SYT16: variants seen among roughly 807,000 people sequenced by gnomAD.
SYT16 encodes synaptotagmin-16.
A neutral mutation model predicts 61.4 loss-of-function variants in SYT16; 42 were observed. That is an observed-to-expected ratio of 0.68 (90% CI 0.53 to 0.89). SYT16 has a LOEUF of 0.89. Among genes scored for constraint, SYT16 ranks in the 40% least tolerant of loss-of-function variants. The probability of loss-of-function intolerance (pLI) is 0.00; values close to 1 mark genes in which losing one functional copy is unlikely to be tolerated. For synonymous variants in SYT16, 314 were observed against 302.3 expected (o/e 1.04, Z -0.40); for missense variants, 804 against 807.3 (o/e 1.00, Z 0.05).
chr14:62,010,686 T>C (rs760190996), intron 3 of SYT16, among the ~76,000 whole-genome samples: 4 of 152,164 alleles, frequency 2.6e-5, no homozygotes, highest in Non-Finnish European at 5.9e-5. Context: ...ATGGAAGGAC[T>C]TTGAGAACTT....
At chr14:62,091,447 C>T (rs1476061399) in intron 7 of SYT16, among the ~76,000 whole-genome samples, 1 of 152,018 alleles carries the variant, frequency 6.6e-6, no homozygotes. Context: ...GCATGGATTG[C>T]CTAAAGCAAA....
Position 62,029,114 on chromosome 14 carries a change from G to T in SYT16, c.523+32572G>T, listed in dbSNP as rs182928820. Among the ~76,000 whole-genome samples, 369 of 152,284 alleles carry T rather than the reference G, an allele frequency of 2.4e-3. 3 individuals are homozygous for T. Among genetic ancestry groups the T allele is most frequent in the Middle Eastern group, 0.017 (5 of 294 alleles). ...GGGCCAGCCTGAGCATCACAGTTAA[G>T]AATGAAATGGTTCTTTTTTCTCCCC... On this transcript the variant is annotated intron_variant, in intron 3 of 7. Coordinates refer to ENST00000683842, the MANE Select transcript of SYT16 (RefSeq NM_001367656.1).
At chr14:61,922,005 A>C (rs1354405926) in intron 1 of SYT16, among the ~76,000 whole-genome samples, 1 of 152,204 alleles carries the variant, frequency 6.6e-6, no homozygotes, top group Admixed American at 6.5e-5. Flanking sequence ...TATGTCTAAA[A>C]TGAGAGTATC....
chr14:61,902,176 C>T (rs1267812153), intron 1 of SYT16, among the ~76,000 whole-genome samples: 3 of 152,168 alleles, frequency 2.0e-5, no homozygotes, highest in Non-Finnish European at 4.4e-5. Flanking sequence ...TAGTTCTCTA[C>T]CTCCATTCAT....
intron 1 of SYT16, among the ~76,000 whole-genome samples, chr14:61,826,629 T>G (rs1176999188): frequency 1.3e-5 from 2 of 152,114 alleles, no homozygotes; most frequent in Non-Finnish European, 2.9e-5. Context: ...ACCTCATTCT[T>G]GCCACGAGGG....
chr14:61,897,624 T>C (rs1377662467), intron 1 of SYT16, among the ~76,000 whole-genome samples: 1 of 152,184 alleles, frequency 6.6e-6, no homozygotes, highest in African/African-American at 2.4e-5. Flanking sequence ...CTAACAGTCC[T>C]GGAATATGTG....
At chr14:61,883,297 A>G (rs892852990) in intron 1 of SYT16, among the ~76,000 whole-genome samples, 1 of 152,156 alleles carries the variant, frequency 6.6e-6, no homozygotes, top group Non-Finnish European at 1.5e-5. Flanking sequence ...TTGGACTGCA[A>G]ATTTTTCAAA....
intron 1 of SYT16, among the ~76,000 whole-genome samples, chr14:61,885,758 A>C (rs2047874929): frequency 6.6e-6 from 1 of 152,210 alleles, no homozygotes; most frequent in Non-Finnish European, 1.5e-5. Flanking sequence ...TTATGTTTAC[A>C]CTATTATGTA....
intron 3 of SYT16, among the ~76,000 whole-genome samples, chr14:62,039,572 C>T (rs1464002649): frequency 6.6e-6 from 1 of 152,006 alleles, no homozygotes; most frequent in Non-Finnish European, 1.5e-5. Flanking sequence ...TAGAAGACAT[C>T]ACAAGATGAT....
chr14:62,065,548 T>G (rs1446244100), intron 3 of SYT16, among the ~76,000 whole-genome samples: 4 of 152,218 alleles, frequency 2.6e-5, no homozygotes, highest in Admixed American at 6.5e-5. Context: ...GTTGCAATTA[T>G]TAATTTTATA....
rs189713842 is a variant in SYT16, at chr14:62,069,020, T to C, written c.524-583T>C. On this transcript the variant is annotated intron_variant, in intron 3 of 7. Transcript: ENST00000683842. ...CATATTGGCCAGGCTGGTCTGGAAC[T>C]CCTGACCTCAAGTGATCTGCCCACC... Among the ~76,000 whole-genome samples, 732 of 152,280 alleles carry C rather than the reference T, an allele frequency of 4.8e-3. 11 individuals are homozygous for C. The highest frequency in any genetic ancestry group is 5.1e-3 in the Non-Finnish European group (348 of 68,024).
chr14:62,069,440 T>G, intron 3 of SYT16, 163 bp from the exon 4 acceptor site: 1 of 649,400 alleles, frequency 1.5e-6, no homozygotes, highest in East Asian at 2.7e-5. Context: ...TGGACTCAAA[T>G]TTGTGTTGCA....
chr14:61,993,314 G>A (rs1343964066), intron 2 of SYT16, among the ~76,000 whole-genome samples: 1 of 152,074 alleles, frequency 6.6e-6, no homozygotes, highest in African/African-American at 2.4e-5. Flanking sequence ...CCTAATGCAT[G>A]TGGGGCTTAA....
At chr14:61,922,297 G>A (rs1217963888) in intron 1 of SYT16, among the ~76,000 whole-genome samples, 1 of 152,184 alleles carries the variant, frequency 6.6e-6, no homozygotes, top group African/African-American at 2.4e-5. Context: ...GCCCATCAAT[G>A]GCAGATTGGA....
At chr14:61,934,963 C>T (rs1362756129) in intron 1 of SYT16, among the ~76,000 whole-genome samples, 2 of 152,044 alleles carry the variant, frequency 1.3e-5, no homozygotes, top group Non-Finnish European at 2.9e-5. Context: ...TATTTTCATT[C>T]CTTCTTCCTT....
chr14:62,015,142 A>G lies in SYT16; in HGVS notation c.523+18600A>G, dbSNP rs553393816. Among the ~76,000 whole-genome samples, 11 of 152,232 alleles carry G rather than the reference A, an allele frequency of 7.2e-5. No individual in the cohort carries two copies. In the East Asian group the frequency reaches 2.1e-3, roughly 29 times the overall value. ...CTTCTATGTTCCGATAGCATGTTAC[A>G]TTTCTCAATAATATAGATTTTATAT... On this transcript the variant is annotated intron_variant, in intron 3 of 7. Coordinates refer to ENST00000683842, the MANE Select transcript of SYT16 (RefSeq NM_001367656.1).
intron 2 of SYT16, among the ~76,000 whole-genome samples, chr14:61,972,504 C>T (rs1273820380): frequency 6.6e-6 from 1 of 152,102 alleles, no homozygotes; most frequent in Non-Finnish European, 1.5e-5. Flanking sequence ...GTAAAGGGAG[C>T]TTTAAAAATA....
At chr14:62,094,617 T>C (rs933361185) in intron 7 of SYT16, among the ~76,000 whole-genome samples, 1 of 152,098 alleles carries the variant, frequency 6.6e-6, no homozygotes, top group African/African-American at 2.4e-5. Context: ...TTTTATTTTA[T>C]TTTTATGATA....
chr14:62,036,747 C>T (rs922527217), intron 3 of SYT16, among the ~76,000 whole-genome samples: 14 of 152,152 alleles, frequency 9.2e-5, no homozygotes, highest in South Asian at 6.2e-4. Flanking sequence ...GAGAAAAGCA[C>T]GGGAAAAACC....
Sources: allele counts gnomAD v4.1 joint callset (sites outside exome capture counted in the v4.1 genomes callset), GRCh38; gene constraint gnomAD v4.1.1; transcripts MANE v1.5; gene names NCBI Gene and HGNC (gene_info 2026-07-23, HGNC 2026-07-21).